The following CNTNAP2 variants were observed in gnomAD, a reference collection of about 807,000 sequenced individuals.
CNTNAP2 encodes contactin-associated protein-like 2.
A neutral mutation model predicts 155.2 loss-of-function variants in CNTNAP2; 98 were observed. The observed-to-expected ratio is 0.63, with a 90% CI of 0.54 to 0.75. CNTNAP2 has a LOEUF of 0.75. CNTNAP2 is among the 30% of genes least tolerant of loss of function. The pLI is 0.00. For missense variants in CNTNAP2, 1,727 were observed against 1,688.1 expected (o/e 1.02, Z -0.40); for synonymous variants, 651 against 631.2 (o/e 1.03, Z -0.47).
At chr7:147,075,248 A>G (rs1799973536) in intron 4 of CNTNAP2, among the ~76,000 whole-genome samples, 3 of 152,214 alleles carry the variant, frequency 2.0e-5, no homozygotes, top group Admixed American at 2.0e-4. Context: ...TTGCACATCT[A>G]GTTGAAATTA....
At chr7:146,872,460 T>C (rs1795333032) in intron 3 of CNTNAP2, among the ~76,000 whole-genome samples, 1 of 152,148 alleles carries the variant, frequency 6.6e-6, no homozygotes, top group African/African-American at 2.4e-5. Context: ...GGTGGTTGGG[T>C]TCCATGCAAC....
chr7:146,849,510 G>T (rs1031208555), intron 3 of CNTNAP2, among the ~76,000 whole-genome samples: 1 of 152,120 alleles, frequency 6.6e-6, no homozygotes, highest in Admixed American at 6.6e-5. Context: ...AGATAGCATG[G>T]GCTCTGGACC....
intron 4 of CNTNAP2, among the ~76,000 whole-genome samples, chr7:147,073,350 G>A (rs371425243): frequency 1.3e-5 from 2 of 150,380 alleles, no homozygotes; most frequent in South Asian, 4.2e-4. Context: ...GTATGTTCTC[G>A]CTTGTAAGTG....
chr7:148,024,836 C>A (rs1274520377), intron 15 of CNTNAP2, among the ~76,000 whole-genome samples: 1 of 152,174 alleles, frequency 6.6e-6, no homozygotes, highest in Non-Finnish European at 1.5e-5. Flanking sequence ...AAGCCCCCTG[C>A]CTTCTCCTTT....
chr7:147,235,796 A>G (rs998715439), intron 8 of CNTNAP2, among the ~76,000 whole-genome samples: 13 of 152,178 alleles, frequency 8.5e-5, no homozygotes, highest in African/African-American at 2.9e-4. Context: ...TATTTTCCCA[A>G]CTTGGAATAT....
chr7:148,220,687 A>AT lies in CNTNAP2; in HGVS notation c.3247+3172dup, dbSNP rs1238863181. ...AAAGTGTTTGGTTGGATTGTGGATG[A>AT]TTTTTTTTTCTCCTGAGCAGTACTT... On this transcript the variant is annotated intron_variant, in intron 19 of 23. Transcript: ENST00000361727. 7.3e-5 allele frequency among the ~76,000 whole-genome samples: 11 copies of AT among 151,354 alleles called. No homozygotes were observed. In the East Asian group the frequency reaches 1.4e-3, roughly 19 times the overall value.
intron 8 of CNTNAP2, among the ~76,000 whole-genome samples, chr7:147,201,219 C>T (rs1802915647): frequency 6.6e-6 from 1 of 152,094 alleles, no homozygotes; most frequent in Non-Finnish European, 1.5e-5. Context: ...ATAATGAACA[C>T]AATAATTAAT....
intron 3 of CNTNAP2, among the ~76,000 whole-genome samples, chr7:147,012,514 T>A (rs1798646098): frequency 6.6e-6 from 1 of 152,120 alleles, no homozygotes; most frequent in Non-Finnish European, 1.5e-5. Flanking sequence ...TATTAAGGAG[T>A]AAATTTTAAT....
At chr7:146,229,447 C>CA (rs1259608056) in intron 1 of CNTNAP2, among the ~76,000 whole-genome samples, 2 of 152,168 alleles carry the variant, frequency 1.3e-5, no homozygotes, top group Non-Finnish European at 2.9e-5. Flanking sequence ...CTCTCTGCTC[C>CA]AGGTAGTGGT....
chr7:147,691,053 G>A (rs2116991708), intron 13 of CNTNAP2, among the ~76,000 whole-genome samples: 1 of 152,068 alleles, frequency 6.6e-6, no homozygotes, highest in South Asian at 2.1e-4. Flanking sequence ...AAAACAAAGG[G>A]AAAACATTGA....
chr7:146,885,154 C>T (rs887452061), intron 3 of CNTNAP2, among the ~76,000 whole-genome samples: 3 of 152,044 alleles, frequency 2.0e-5, no homozygotes, highest in Non-Finnish European at 1.5e-5. Flanking sequence ...TTTCAGAGGA[C>T]ATAGAAACAA....
At chr7:147,857,356 C>T (rs1216902029) in intron 13 of CNTNAP2, among the ~76,000 whole-genome samples, 1 of 152,144 alleles carries the variant, frequency 6.6e-6, no homozygotes, top group Non-Finnish European at 1.5e-5. Flanking sequence ...TCTCTGTTCT[C>T]CTCCAAGGCT....
At chr7:146,310,867 A>G (rs982453474) in intron 1 of CNTNAP2, among the ~76,000 whole-genome samples, 1 of 152,224 alleles carries the variant, frequency 6.6e-6, no homozygotes, top group Non-Finnish European at 1.5e-5. Context: ...CTATTTTACT[A>G]ATAGCCATAT....
intron 3 of CNTNAP2, among the ~76,000 whole-genome samples, chr7:146,926,960 A>C (rs1000471750): frequency 6.6e-6 from 1 of 152,142 alleles, no homozygotes; most frequent in African/African-American, 2.4e-5. Flanking sequence ...CCCCGAAGCC[A>C]CATGTTTCCA....
At chr7:146,303,925 G>T (rs1800660154) in intron 1 of CNTNAP2, among the ~76,000 whole-genome samples, 1 of 151,918 alleles carries the variant, frequency 6.6e-6, no homozygotes, top group Non-Finnish European at 1.5e-5. Flanking sequence ...GGTCTCTAAG[G>T]ACTTCCTTTA....
At chr7:146,856,424 G>A (rs1794988912) in intron 3 of CNTNAP2, among the ~76,000 whole-genome samples, 2 of 152,016 alleles carry the variant, frequency 1.3e-5, no homozygotes, top group Admixed American at 6.6e-5. Flanking sequence ...ACTAGGAAAC[G>A]TGGAAGGGTG....
At chr7:148,204,532 ATTG>A (rs965494386) in intron 18 of CNTNAP2, among the ~76,000 whole-genome samples, 34 of 152,346 alleles carry the variant, frequency 2.2e-4, no homozygotes, top group African/African-American at 7.9e-4. Context: ...AAATCATTCT[ATTG>A]TTAACAAAAG....
chr7:147,502,494 A>C (rs1230274735), intron 11 of CNTNAP2, among the ~76,000 whole-genome samples: 1 of 152,194 alleles, frequency 6.6e-6, no homozygotes, highest in Non-Finnish European at 1.5e-5. Context: ...GCAGAAGCTG[A>C]GGGTAGGGAC....
At chr7:146,457,450 A>G (rs1377080173) in intron 1 of CNTNAP2, among the ~76,000 whole-genome samples, 1 of 121,276 alleles carries the variant, frequency 8.2e-6, no homozygotes, top group African/African-American at 2.9e-5. Flanking sequence ...GAATCAAATT[A>G]TAATTTGATT....
Sources: allele counts gnomAD v4.1 joint callset (sites outside exome capture counted in the v4.1 genomes callset), GRCh38; gene constraint gnomAD v4.1.1; transcripts MANE v1.5; gene names NCBI Gene and HGNC (gene_info 2026-07-23, HGNC 2026-07-21).